Variants in MGAT4C observed in about 807,000 individuals in gnomAD.
MGAT4C encodes the protein MGAT4 family member C.
Under a neutral mutation model 40.1 loss-of-function variants are expected in MGAT4C, and 19 were observed. That is an observed-to-expected ratio of 0.47 (90% CI 0.33 to 0.70). The LOEUF (loss-of-function observed/expected upper bound fraction) is 0.70. Among genes scored for constraint, MGAT4C ranks in the 30% least tolerant of loss-of-function variants. MGAT4C has a pLI of 0.02. For synonymous variants in MGAT4C, 181 were observed against 187.1 expected (o/e 0.97, Z 0.27); for missense variants, 491 against 563.2 (o/e 0.87, Z 1.30).
At chr12:86,582,875 G>A (rs1170666644) in intron 2 of MGAT4C, among the ~76,000 whole-genome samples, 1 of 151,100 alleles carries the variant, frequency 6.6e-6, no homozygotes, top group Non-Finnish European at 1.5e-5. Flanking sequence ...ACTCCTTCGG[G>A]TTAACCAAAC....
At chr12:86,700,072 G>GATAAGATAA (rs1950330592) in intron 2 of MGAT4C, among the ~76,000 whole-genome samples, 1 of 151,536 alleles carries the variant, frequency 6.6e-6, no homozygotes, top group South Asian at 2.1e-4. Flanking sequence ...AGATAAGATA[G>GATAAGATAA]ATAGATAATG....
rs770146912 is a variant in MGAT4C at position 86,814,467 on chromosome 12, AATTAT to A, written c.-262+24194_-262+24198del. ...GCAAATAAAGTTACTGAATTCTCAT[AATTAT>A]ATTAATTCCAATTCTCTTATAATTA... On this transcript the variant is annotated intron_variant, in intron 1 of 7. Transcript: ENST00000548651. 4.0e-5 allele frequency among the ~76,000 whole-genome samples: 6 copies of A among 150,378 alleles called. No individual in the cohort carries two copies. In the East Asian group the frequency reaches 7.8e-4, roughly 20 times the overall value.
intron 2 of MGAT4C, among the ~76,000 whole-genome samples, chr12:86,614,173 G>A (rs893581138): frequency 8.5e-5 from 13 of 152,114 alleles, no homozygotes; most frequent in Non-Finnish European, 1.6e-4. Flanking sequence ...TAGAAGTCAG[G>A]CAATAACTTC....
At chr12:86,007,302 C>T (rs1887983902) in intron 2 of MGAT4C, among the ~76,000 whole-genome samples, 1 of 152,080 alleles carries the variant, frequency 6.6e-6, no homozygotes, top group African/African-American at 2.4e-5. Flanking sequence ...CATCTTCCAC[C>T]TAGATGAGTC....
chr12:86,376,218 CAAAAAA>C (rs1166300466), intron 3 of MGAT4C, among the ~76,000 whole-genome samples: 1 of 50,758 alleles, frequency 2.0e-5, no homozygotes, highest in Non-Finnish European at 3.9e-5. Context: ...TAACACATGT[CAAAAAA>C]AAAAAAAAAA....
intron 2 of MGAT4C, among the ~76,000 whole-genome samples, chr12:86,469,885 T>C (rs144124973): frequency 4.7e-4 from 71 of 152,260 alleles, no homozygotes; most frequent in Middle Eastern, 3.4e-3. Context: ...AATCCTCCTA[T>C]AGAAACTGTG....
At chr12:86,396,464 C>T (rs1956265156) in intron 3 of MGAT4C, among the ~76,000 whole-genome samples, 1 of 152,188 alleles carries the variant, frequency 6.6e-6, no homozygotes, top group Admixed American at 6.5e-5. Context: ...GGCAAAAAGA[C>T]ACTGCTGCAT....
At chr12:86,103,550 ATT>A (rs1875521296) in intron 1 of MGAT4C, among the ~76,000 whole-genome samples, 1 of 152,150 alleles carries the variant, frequency 6.6e-6, no homozygotes, top group Non-Finnish European at 1.5e-5. Context: ...TGATGTCTTG[ATT>A]TTGGACTTCT....
intron 1 of MGAT4C, among the ~76,000 whole-genome samples, chr12:86,774,284 T>TTTCTTTCTTTCTTTCTTTCA (rs1951694751): frequency 5.8e-5 from 1 of 17,256 alleles, no homozygotes; most frequent in Non-Finnish European, 2.0e-4. Context: ...AGGCTTGCTC[T>TTTCTTTCTTTCTTTCTTTCA]TTCTTTCTTT....
At chr12:86,446,404 T>C (rs544238486) in intron 2 of MGAT4C, among the ~76,000 whole-genome samples, 381 of 151,960 alleles carry the variant, frequency 2.5e-3, no homozygotes, top group African/African-American at 8.6e-3. Flanking sequence ...CAGATATTTA[T>C]GTGTATTCAT....
At chr12:86,028,027 A>G in intron 2 of MGAT4C, 1 of 802,628 alleles carries the variant, frequency 1.2e-6, no homozygotes, top group Admixed American at 2.8e-5. Context: ...AGGCTTTGAA[A>G]ATCAAGTGTA....
intron 2 of MGAT4C, among the ~76,000 whole-genome samples, chr12:86,539,885 G>C (rs1959143423): frequency 6.6e-6 from 1 of 152,014 alleles, no homozygotes; most frequent in Admixed American, 6.6e-5. Flanking sequence ...TTTTTTTCTT[G>C]TAAATTTGTT....
chr12:86,675,720 T>A (rs981456809), intron 2 of MGAT4C, among the ~76,000 whole-genome samples: 1 of 152,190 alleles, frequency 6.6e-6, no homozygotes, highest in Non-Finnish European at 1.5e-5. Context: ...GATGTACATA[T>A]GTTGGGGATG....
At chr12:86,314,628 T>C (rs1436660077) in intron 4 of MGAT4C, among the ~76,000 whole-genome samples, 3 of 152,248 alleles carry the variant, frequency 2.0e-5, no homozygotes, top group Non-Finnish European at 4.4e-5. Flanking sequence ...CAATAATCAG[T>C]GGCATTTCTG....
At chr12:86,627,036 G>T (rs1962830887) in intron 2 of MGAT4C, among the ~76,000 whole-genome samples, 1 of 152,210 alleles carries the variant, frequency 6.6e-6, no homozygotes, top group African/African-American at 2.4e-5. Context: ...CTTTTCCAAT[G>T]GTCTTAGCAA....
chr12:86,344,248 C>A (rs1954967154), intron 3 of MGAT4C, among the ~76,000 whole-genome samples: 1 of 152,102 alleles, frequency 6.6e-6, no homozygotes, highest in African/African-American at 2.4e-5. Context: ...GAAAAACATT[C>A]TAAGGATTCA....
chr12:86,634,531 C>G (rs556750347), intron 2 of MGAT4C, among the ~76,000 whole-genome samples: 8 of 152,186 alleles, frequency 5.3e-5, no homozygotes, highest in Admixed American at 5.2e-4. Flanking sequence ...GTTTTGGCTG[C>G]ATTCCTTTTG....
At chr12:86,064,318 T>C (rs977257020) in intron 1 of MGAT4C, among the ~76,000 whole-genome samples, 5 of 152,120 alleles carry the variant, frequency 3.3e-5, no homozygotes, top group South Asian at 2.1e-4. Flanking sequence ...AGGTGGAACT[T>C]GCAGTGAGCC....
At chr12:86,078,440 G>A (rs1015160376) in intron 1 of MGAT4C, among the ~76,000 whole-genome samples, 2 of 152,196 alleles carry the variant, frequency 1.3e-5, no homozygotes, top group East Asian at 3.9e-4. Flanking sequence ...TCCACGGATG[G>A]TAGTCTTGGC....
Sources: allele counts gnomAD v4.1 joint callset (sites outside exome capture counted in the v4.1 genomes callset), GRCh38; gene constraint gnomAD v4.1.1; transcripts MANE v1.5; gene names NCBI Gene and HGNC (gene_info 2026-07-23, HGNC 2026-07-21).